The following LGR4 variants were observed in gnomAD, a reference collection of about 807,000 sequenced individuals.
LGR4 encodes the protein leucine rich repeat containing G protein-coupled receptor 4, also known as leucine-rich repeat-containing G protein-coupled receptor 4.
In LGR4, 44 loss-of-function variants were observed where a neutral mutation model predicts 84.8. That is an observed-to-expected ratio of 0.52 (90% CI 0.41 to 0.67). The LOEUF (loss-of-function observed/expected upper bound fraction) is 0.67. LGR4 is among the 30% of genes least tolerant of loss of function. LGR4 has a pLI of 0.00. For synonymous variants in LGR4, 429 were observed against 434.3 expected, an observed-to-expected ratio of 0.99 and a Z score of 0.15; for missense variants, 1,032 against 1,131.4, an observed-to-expected ratio of 0.91 and a Z score of 1.26.
At position 27,368,721 on chromosome 11, in the gene LGR4, A is replaced by G. The variant is rs767398396; in HGVS notation, c.2002T>C (p.Leu668=). ...HLKQFRVAAL[L]AFLGATVAGC... The stretch of plus-strand genomic sequence containing the variant: ...GCTACTGTAGCACCTAGGAAAGCCA[A>G]AAGGGCAGCAACCCGGAACTGTTTG... The change falls in exon 18 of 18, where the codon TTG becomes CTG. Residue 668 remains leucine, a synonymous_variant. Coordinates refer to ENST00000379214, the MANE Select transcript of LGR4 (RefSeq NM_018490.5). 5 of 1,613,678 alleles carry G rather than the reference A, an allele frequency of 3.1e-6. No individual in the cohort carries two copies. In the Admixed American group the frequency reaches 8.3e-5, roughly 27 times the overall value.
chr11:27,391,119 G>A lies in LGR4; in HGVS notation c.376C>T (p.Arg126Ter), dbSNP rs587777005. 3 of 1,609,442 alleles carry A rather than the reference G, an allele frequency of 1.9e-6. No individual in the cohort carries two copies. The highest frequency in any genetic ancestry group is 1.7e-6 in the Non-Finnish European group (2 of 1,177,718). The part of the protein sequence containing the change: ...QLKTVPSEAI[R>*]GLSALQSLRL... ...AAAGACTGCAAAGCACTCAGCCCTC[G>A]AATGGCTTCACTGGGTACTGTTTTC... Residue 126 changes from arginine to a stop codon, truncating the protein, a stop_gained, in exon 4 of 18, where the codon CGA (arginine) becomes TGA (stop). Transcript: ENST00000379214. LOFTEE classifies it high-confidence loss of function.
At chr11:27,445,748 C>T (rs1864378885) in intron 1 of LGR4, among the ~76,000 whole-genome samples, 1 of 152,078 alleles carries the variant, frequency 6.6e-6, no homozygotes, top group Non-Finnish European at 1.5e-5. Context: ...CCTGGTGGTG[C>T]ATGCCTGCAG....
chr11:27,459,269 C>T (rs1394773438), intron 1 of LGR4, among the ~76,000 whole-genome samples: 1 of 152,144 alleles, frequency 6.6e-6, no homozygotes. Context: ...TTCTGTCTGT[C>T]AAAACCAGTC....
At chr11:27,428,954 G>A (rs1204123565) in intron 1 of LGR4, among the ~76,000 whole-genome samples, 1 of 152,094 alleles carries the variant, frequency 6.6e-6, no homozygotes, top group Admixed American at 6.5e-5. Flanking sequence ...CTGTCACCTG[G>A]AGACACAACA....
chr11:27,416,843 A>G (rs374887575), intron 1 of LGR4, among the ~76,000 whole-genome samples: 12 of 152,220 alleles, frequency 7.9e-5, no homozygotes, highest in African/African-American at 2.7e-4. Context: ...AAATCTCTCC[A>G]GTGGTTAAAC....
chr11:27,381,882 C>T (rs1863102004), intron 7 of LGR4, among the ~76,000 whole-genome samples: 1 of 152,134 alleles, frequency 6.6e-6, no homozygotes, highest in Admixed American at 6.5e-5. Flanking sequence ...TTTATTTCTA[C>T]CTAGAAACAG....
intron 1 of LGR4, among the ~76,000 whole-genome samples, chr11:27,457,926 A>C (rs1864604461): frequency 6.6e-6 from 1 of 152,098 alleles, no homozygotes; most frequent in African/African-American, 2.4e-5. Context: ...CAGAAGTTCA[A>C]GACTAGCCTG....
chr11:27,429,093 A>T (rs963047407), intron 1 of LGR4, among the ~76,000 whole-genome samples: 15 of 152,200 alleles, frequency 9.9e-5, no homozygotes, highest in African/African-American at 3.6e-4. Context: ...AACACGGAGC[A>T]TTAAAACTGC....
intron 4 of LGR4, among the ~76,000 whole-genome samples, chr11:27,385,916 T>C (rs1473240318): frequency 2.0e-5 from 3 of 152,086 alleles, no homozygotes; most frequent in African/African-American, 7.2e-5. Context: ...ACTCTGATTC[T>C]GTACCAAAGA....
chr11:27,436,293 G>C (rs528999594), intron 1 of LGR4, among the ~76,000 whole-genome samples: 2 of 147,080 alleles, frequency 1.4e-5, no homozygotes, highest in Non-Finnish European at 3.0e-5. Context: ...CCTGTCTCCC[G>C]AATCACTACA....
rs1489159063 is a variant in LGR4 at position 27,392,473 on chromosome 11, C to A, written c.303G>T (p.Leu101Phe). Residue 101 changes from leucine to phenylalanine, a missense_variant, in exon 3 of 18, where the codon TTG becomes TTT. Leu to Phe is a conservative substitution (Grantham distance 22). Coordinates refer to ENST00000379214, the MANE Select transcript of LGR4 (RefSeq NM_018490.5). ...GAACTTTGAGTTCTTTCAACCCAGA[C>A]AAGGCCTTTGGGTGGATAAAAGAAA... ...NDLSFIHPKA[L>F]SGLKELKVLT... The A allele has an allele frequency of 6.3e-7, 1 of 1,591,228 alleles. No individual in the cohort carries two copies.
chr11:27,452,560 C>T (rs942482187), intron 1 of LGR4, among the ~76,000 whole-genome samples: 2 of 137,766 alleles, frequency 1.5e-5, no homozygotes, highest in Admixed American at 7.4e-5. Context: ...CTGGTCTGTT[C>T]GCCAACACTA....
intron 15 of LGR4, 75 bp from the exon 16 acceptor site, chr11:27,372,473 A>G: frequency 4.6e-6 from 4 of 877,620 alleles, no homozygotes; most frequent in South Asian, 1.4e-5. Context: ...AAAGTATTTT[A>G]AACTTTGAAA....
intron 1 of LGR4, among the ~76,000 whole-genome samples, chr11:27,430,106 C>T (rs948958569): frequency 2.0e-5 from 3 of 152,160 alleles, no homozygotes; most frequent in Admixed American, 6.5e-5. Context: ...ATCGAACGTA[C>T]TCCTCTCACT....
Position 27,380,340 on chromosome 11 carries a change from CTT to C in LGR4, c.903-3_903-2del. ...CACCATGCTTGCACCACGAATGACT[CTT>C]TATGAAATTGAGAAAGACAAGGTAA... is the stretch of plus-strand genomic sequence containing the variant. On this transcript the variant is annotated splice_acceptor_variant and splice_polypyrimidine_tract_variant and intron_variant, in intron 9 of 17. Coordinates refer to ENST00000379214, the MANE Select transcript of LGR4 (RefSeq NM_018490.5). LOFTEE classifies it high-confidence loss of function. 1 of 1,602,928 alleles carries C rather than the reference CTT, an allele frequency of 6.2e-7. No homozygotes were observed. Among genetic ancestry groups the C allele is most frequent in the Middle Eastern group, 1.7e-4 (1 of 6,024 alleles).
chr11:27,401,304 C>T (rs1176083141), intron 2 of LGR4, among the ~76,000 whole-genome samples: 7 of 152,320 alleles, frequency 4.6e-5, no homozygotes, highest in Admixed American at 1.3e-4. Context: ...ATTCAATTCA[C>T]GGAAACTTTA....
At position 27,472,596 on chromosome 11, in the gene LGR4, T is replaced by C. The variant is rs1864903127; in HGVS notation, c.-294A>G. On this transcript the variant is annotated 5_prime_UTR_variant, in exon 1 of 18. The change abolishes an upstream ATG in the 5' untranslated region. Transcript: ENST00000379214. ...CAGCGGCGGGGGCCGCGCTCTGCCA[T>C]CGCACCGGTCTCCCTGTCCCTGGCC... 2.7e-6 allele frequency: 1 copy of C among 369,788 alleles called. No individual in the cohort carries two copies. 22.9% of individuals were successfully genotyped at this position (369,788 alleles called of 1,614,324 possible). A position where few individuals can be genotyped will look rare whatever the true frequency, so the allele number is the denominator to read the frequency against.
intron 1 of LGR4, among the ~76,000 whole-genome samples, chr11:27,448,519 C>G (rs113166584): frequency 0.011 from 1,627 of 152,008 alleles, 22 homozygotes; most frequent in African/African-American, 0.037. Context: ...CTCGAACTCC[C>G]GACCTCAGGT....
intron 1 of LGR4, among the ~76,000 whole-genome samples, chr11:27,443,133 A>G (rs1170980074): frequency 6.6e-6 from 1 of 152,210 alleles, no homozygotes; most frequent in African/African-American, 2.4e-5. Context: ...GATGCCTCAA[A>G]AATGGAAGGC....
Sources: gnomAD v4.1 joint callset for allele counts (sites outside exome capture counted in the v4.1 genomes callset) on GRCh38, gnomAD v4.1.1 for gene constraint, MANE v1.5 for transcripts, NCBI Gene and HGNC (gene_info 2026-07-23, HGNC 2026-07-21) for gene names.